Variants in NOL10 observed in about 807,000 individuals in gnomAD.
NOL10 encodes nucleolar protein 10.
A neutral mutation model predicts 103.5 loss-of-function variants in NOL10; 58 were observed. The observed-to-expected ratio is 0.56, with a 90% CI of 0.45 to 0.70. The LOEUF (loss-of-function observed/expected upper bound fraction) is 0.70. Ranked by LOEUF, NOL10 falls within the 30% of genes least tolerant of loss-of-function variation. The pLI is 0.00. For synonymous variants in NOL10, 287 were observed against 282.5 expected (o/e 1.02, Z -0.16); for missense variants, 763 against 807.3 (o/e 0.95, Z 0.67).
chr2:10,582,907 G>C (rs914586193), intron 19 of NOL10, among the ~76,000 whole-genome samples: 3 of 152,106 alleles, frequency 2.0e-5, no homozygotes, highest in African/African-American at 7.2e-5. Context: ...CAAACTTCTT[G>C]AAAGACTCAC....
intron 13 of NOL10, among the ~76,000 whole-genome samples, chr2:10,618,145 G>A (rs1676934082): frequency 6.6e-6 from 1 of 151,802 alleles, no homozygotes; most frequent in Non-Finnish European, 1.5e-5. Flanking sequence ...CCGAATAGCT[G>A]GGATTATGGG....
At position 10,659,351 on chromosome 2, in the gene NOL10, G is replaced by C. The variant is rs932370796; in HGVS notation, c.678-101C>G. ...TCACTTCAAATCTAATGGGGGGGGGGGGGAGGAATCACATTTCTAGGCTTC... is the reference window on the plus strand; with the variant it reads ...TCACTTCAAATCTAATGGGGGGGGGCGGGAGGAATCACATTTCTAGGCTTC... On this transcript the variant is annotated intron_variant, in intron 9 of 20. Coordinates refer to ENST00000381685, the MANE Select transcript of NOL10 (RefSeq NM_024894.4). 2.4e-5 allele frequency: 11 copies of C among 454,576 alleles called. 1 individual carries two copies. The highest frequency in any genetic ancestry group is 1.1e-4 in the African/African-American group (5 of 46,732). The allele number at this position is 454,576 out of a possible 1,614,324, so 28.2% of individuals were successfully genotyped here. A position where few individuals can be genotyped will look rare whatever the true frequency, so the allele number is the denominator to read the frequency against.
At chr2:10,573,501 A>C (rs1674292328) in intron 20 of NOL10, among the ~76,000 whole-genome samples, 1 of 151,944 alleles carries the variant, frequency 6.6e-6, no homozygotes. Context: ...CAGGATCTGT[A>C]TTTTCTACAC....
At chr2:10,602,357 TCAGA>T (rs1676021225) in intron 16 of NOL10, among the ~76,000 whole-genome samples, 1 of 152,342 alleles carries the variant, frequency 6.6e-6, no homozygotes, top group Non-Finnish European at 1.5e-5. Context: ...TTCTATGTAC[TCAGA>T]CAGAGAGTGC....
At chr2:10,591,616 G>C (rs1237830961) in intron 17 of NOL10, among the ~76,000 whole-genome samples, 2 of 152,012 alleles carry the variant, frequency 1.3e-5, no homozygotes, top group Non-Finnish European at 2.9e-5. Context: ...AGGAAGAAGA[G>C]GAAGAGAAAA....
intron 5 of NOL10, 139 bp downstream of exon 5, chr2:10,673,381 C>A: frequency 2.1e-6 from 1 of 470,182 alleles, no homozygotes. Context: ...TACTACACAG[C>A]CATTTTTGTT....
At chr2:10,598,100 A>C (rs1387360299) in intron 17 of NOL10, among the ~76,000 whole-genome samples, 2 of 152,236 alleles carry the variant, frequency 1.3e-5, no homozygotes, top group African/African-American at 4.8e-5. Context: ...GTGCCCCAAC[A>C]AGACGGTTCA....
intron 20 of NOL10, among the ~76,000 whole-genome samples, chr2:10,573,604 T>A (rs1173740372): frequency 6.7e-6 from 1 of 148,766 alleles, no homozygotes; most frequent in Non-Finnish European, 1.5e-5. Context: ...CTTCTAAAAT[T>A]GAAGAGTTGC....
intron 14 of NOL10, among the ~76,000 whole-genome samples, chr2:10,604,501 G>A (rs563852329): frequency 3.6e-4 from 55 of 152,254 alleles, no homozygotes; most frequent in South Asian, 3.3e-3. Context: ...AAAATATGGG[G>A]TTTGCACTTT....
chr2:10,666,268 T>TA lies in NOL10; in HGVS notation c.591+949dup, dbSNP rs918738880. ...TCTCTCAACATAAAAATAATTTGAG[T>TA]AAAAAAAAAACCATTAATTCCATCC... On this transcript the variant is annotated intron_variant, in intron 8 of 20. Transcript: ENST00000381685. Among the ~76,000 whole-genome samples, 390 of 148,400 alleles carry TA rather than the reference T, an allele frequency of 2.6e-3. 1 individual carries two copies. The highest frequency in any genetic ancestry group is 8.0e-3 in the African/African-American group (324 of 40,524).
chr2:10,632,678 T>A (rs539050645), intron 13 of NOL10, among the ~76,000 whole-genome samples: 3 of 152,332 alleles, frequency 2.0e-5, no homozygotes, highest in African/African-American at 7.2e-5. Flanking sequence ...ACATTCCCAA[T>A]TCAATATAAC....
chr2:10,617,888 T>C (rs1676913272), intron 13 of NOL10, among the ~76,000 whole-genome samples: 1 of 151,808 alleles, frequency 6.6e-6, no homozygotes, highest in South Asian at 2.1e-4. Context: ...AAAAGGCAAA[T>C]GCATAGACAG....
rs183998621 is a variant in NOL10 at position 10,584,239 on chromosome 2, C to T, written c.1844+4804G>A. Among the ~76,000 whole-genome samples, 9 of 152,274 alleles carry T rather than the reference C, an allele frequency of 5.9e-5. No individual in the cohort carries two copies. The East Asian group carries it at 1.2e-3, about 20-fold the overall frequency. On this transcript the variant is annotated intron_variant, in intron 19 of 20. Transcript: ENST00000381685. Reference sequence around the variant, plus strand: ...TCCTTTCCCATGAGCGCTTCAGGTACGCAGGCCATGTCGTTCTTCCCATCC... The same window carrying T: ...TCCTTTCCCATGAGCGCTTCAGGTATGCAGGCCATGTCGTTCTTCCCATCC...
At chr2:10,671,412 T>G (rs1246013570) in intron 6 of NOL10, 142 bp downstream of exon 6, 6 of 499,990 alleles carry the variant, frequency 1.2e-5, no homozygotes, top group Non-Finnish European at 1.8e-5. Context: ...TTCTTTTCTT[T>G]TTTTTTTTTT....
chr2:10,590,255 T>A (rs928815387), intron 17 of NOL10, among the ~76,000 whole-genome samples: 1 of 152,074 alleles, frequency 6.6e-6, no homozygotes, highest in Non-Finnish European at 1.5e-5. Flanking sequence ...GGACCACAGG[T>A]GCACCACCGC....
chr2:10,675,593 T>A (rs1681251173), intron 4 of NOL10, among the ~76,000 whole-genome samples: 1 of 152,116 alleles, frequency 6.6e-6, no homozygotes, highest in Non-Finnish European at 1.5e-5. Context: ...TGACCTCCTG[T>A]CTGAGCACAG....
intron 13 of NOL10, among the ~76,000 whole-genome samples, chr2:10,627,727 AAC>A (rs1677570290): frequency 6.6e-6 from 1 of 151,374 alleles, no homozygotes; most frequent in African/African-American, 2.4e-5. Context: ...AACAACAAAA[AAC>A]ACATCTTTTG....
At chr2:10,634,126 C>T (rs1004016517) in intron 13 of NOL10, among the ~76,000 whole-genome samples, 2 of 152,090 alleles carry the variant, frequency 1.3e-5, no homozygotes, top group Non-Finnish European at 2.9e-5. Flanking sequence ...CCGCACTGGG[C>T]CTGTTTTGTT....
chr2:10,669,105 T>G (rs1336470626), intron 6 of NOL10, among the ~76,000 whole-genome samples: 1 of 151,980 alleles, frequency 6.6e-6, no homozygotes. Context: ...TGTTTTTTTG[T>G]TTTTGATATG....
Sources: gnomAD v4.1 joint callset for allele counts (sites outside exome capture counted in the v4.1 genomes callset) on GRCh38, gnomAD v4.1.1 for gene constraint, MANE v1.5 for transcripts, NCBI Gene and HGNC (gene_info 2026-07-23, HGNC 2026-07-21) for gene names.